ITGAE: variants seen among roughly 807,000 people sequenced by gnomAD.
ITGAE encodes the protein integrin subunit alpha E.
Under a neutral mutation model 136.5 loss-of-function variants are expected in ITGAE, and 99 were observed. That is an observed-to-expected ratio of 0.73 (90% CI 0.62 to 0.86). The LOEUF (loss-of-function observed/expected upper bound fraction) is 0.86. Among genes scored for constraint, ITGAE ranks in the 40% least tolerant of loss-of-function variants. The pLI is 0.00. For missense variants in ITGAE, 1,447 were observed against 1,515.3 expected (o/e 0.95, Z 0.75); for synonymous variants, 613 against 591.8 (o/e 1.04, Z -0.52).
intron 1 of ITGAE, among the ~76,000 whole-genome samples, chr17:3,782,146 G>A (rs2052679392): frequency 6.6e-6 from 1 of 151,338 alleles, no homozygotes; most frequent in Admixed American, 6.6e-5. Flanking sequence ...ATGGTGGCGG[G>A]TGCCTATAAT....
rs1205163060 is a variant in ITGAE at position 3,724,575 on chromosome 17, C to G, written c.3085-831G>C. 2 of 1,614,172 alleles carry G rather than the reference C, an allele frequency of 1.2e-6. No individual in the cohort carries two copies. The highest frequency in any genetic ancestry group is 1.7e-6 in the Non-Finnish European group (2 of 1,180,028). On this transcript the variant is annotated intron_variant, in intron 26 of 30. Transcript: ENST00000263087. ...CCACCTCCCAGAAGTCTCCCTGGAC[C>G]GAGCATCTCTCCCCTGCTCCCAGGA...
intron 1 of ITGAE, among the ~76,000 whole-genome samples, chr17:3,800,036 T>G (rs1044651988): frequency 2.6e-5 from 4 of 152,172 alleles, no homozygotes; most frequent in Non-Finnish European, 4.4e-5. Context: ...GGAGAACTGC[T>G]TGAACCTGGG....
intron 1 of ITGAE, among the ~76,000 whole-genome samples, chr17:3,796,902 T>C (rs921129163): frequency 5.3e-5 from 8 of 152,098 alleles, no homozygotes; most frequent in Non-Finnish European, 8.8e-5. Flanking sequence ...GAAGTGGGGC[T>C]AGATGCAGGG....
At chr17:3,726,283 A>G (rs1333225209) in intron 26 of ITGAE, 2 of 1,614,102 alleles carry the variant, frequency 1.2e-6, no homozygotes, top group Admixed American at 1.7e-5. Flanking sequence ...ACAATGCTGA[A>G]CTTCAGCTCT....
intron 22 of ITGAE, 100 bp downstream of exon 22, chr17:3,732,268 G>A (rs577394777): frequency 1.5e-4 from 140 of 918,938 alleles, no homozygotes; most frequent in Non-Finnish European, 2.4e-4. Flanking sequence ...GCAGTCAAGC[G>A]AAGCGCAAAG....
At chr17:3,723,545 G>C (rs2051104969) in intron 27 of ITGAE, 143 bp downstream of exon 27, 1 of 1,036,234 alleles carries the variant, frequency 9.7e-7, no homozygotes, top group Admixed American at 2.2e-5. Flanking sequence ...GAGCAATTGA[G>C]ACCCAGGGAC....
chr17:3,782,294 A>AC lies in ITGAE; in HGVS notation c.35-4635_35-4634insG, dbSNP rs1278127834. On this transcript the variant is annotated intron_variant, in intron 1 of 30. Coordinates refer to ENST00000263087, the MANE Select transcript of ITGAE (RefSeq NM_002208.5). ...GGCCTCAAAAAAAAAAAAAAAAAAA[A>AC]AAAAAAAGCATGGTCTGACCATGCC... Among the ~76,000 whole-genome samples the AC allele has an allele frequency of 1.5e-3, 221 of 146,894 alleles. 7 individuals are homozygous for AC. The East Asian group carries it at 0.018, about 12-fold the overall frequency.
At chr17:3,727,898 T>C (rs2051251037) in intron 26 of ITGAE, 21 bp downstream of exon 26, 1 of 1,465,516 alleles carries the variant, frequency 6.8e-7, no homozygotes, top group Non-Finnish European at 9.6e-7. Context: ...GTGTGACTGA[T>C]AAAGAACTGC....
At chr17:3,758,109 T>G (rs1189279051) in intron 8 of ITGAE, among the ~76,000 whole-genome samples, 2 of 152,174 alleles carry the variant, frequency 1.3e-5, no homozygotes, top group African/African-American at 4.8e-5. Context: ...ATTCCTCTTG[T>G]GTGCGTACAG....
intron 27 of ITGAE, 48 bp downstream of exon 27, chr17:3,723,640 C>T (rs375470931): frequency 3.3e-6 from 5 of 1,517,944 alleles, no homozygotes; most frequent in African/African-American, 2.8e-5. Flanking sequence ...TCGTTACCCG[C>T]TTCAGGCCCT....
Position 3,761,015 on chromosome 17 carries a change from GCTTCCTCCTCCTCCTCGT to G in ITGAE, c.578_595del (p.Asp193_Glu198del), listed in dbSNP as rs777625440. ...AACCCAGATCTGCCTCTTCTCACCA[GCTTCCTCCTCCTCCTCGT>G]CTTCCTCCTCCTCCTTGTCTTCCTC... On this transcript the variant is annotated inframe_deletion, in exon 6 of 31. Transcript: ENST00000263087. 7.5e-6 allele frequency: 12 copies of G among 1,598,960 alleles called. No individual in the cohort carries two copies. Among genetic ancestry groups the G allele is most frequent in the Non-Finnish European group, 9.3e-6 (11 of 1,178,812 alleles).
At chr17:3,788,383 G>A (rs2052849360) in intron 1 of ITGAE, among the ~76,000 whole-genome samples, 1 of 151,078 alleles carries the variant, frequency 6.6e-6, no homozygotes, top group South Asian at 2.1e-4. Flanking sequence ...TCAACTTCCT[G>A]GGCTCAAGTG....
chr17:3,736,397 T>C (rs1281184490), intron 20 of ITGAE, among the ~76,000 whole-genome samples: 2 of 152,204 alleles, frequency 1.3e-5, no homozygotes, highest in Non-Finnish European at 2.9e-5. Flanking sequence ...CCAAATCCTC[T>C]TTCTACCACC....
At chr17:3,725,466 A>G in intron 26 of ITGAE, 1 of 1,614,234 alleles carries the variant, frequency 6.2e-7, no homozygotes, top group Non-Finnish European at 8.5e-7. Flanking sequence ...CGTAGCCATA[A>G]AAATCATTGC....
At chr17:3,744,262 G>A (rs2051659500) in intron 18 of ITGAE, among the ~76,000 whole-genome samples, 1 of 152,016 alleles carries the variant, frequency 6.6e-6, no homozygotes, top group Non-Finnish European at 1.5e-5. Context: ...TTCCAAATAA[G>A]CCAGGCTGAA....
intron 24 of ITGAE, among the ~76,000 whole-genome samples, chr17:3,728,989 TGG>T (rs2051280109): frequency 6.7e-6 from 1 of 150,250 alleles, no homozygotes; most frequent in Admixed American, 6.7e-5. Flanking sequence ...TGAGCCGAGA[TGG>T]CACCACTGCA....
intron 1 of ITGAE, among the ~76,000 whole-genome samples, chr17:3,787,150 C>T (rs1289824772): frequency 2.7e-5 from 4 of 150,816 alleles, no homozygotes; most frequent in East Asian, 3.9e-4. Context: ...CTCACTCTGT[C>T]GCCCAGGCTG....
chr17:3,716,703 C>A lies in ITGAE; in HGVS notation c.3429G>T (p.Leu1143=). The A allele has an allele frequency of 1.3e-6, 2 of 1,596,612 alleles. No homozygotes were observed. Among genetic ancestry groups the A allele is most frequent in the East Asian group, 2.2e-5 (1 of 44,778 alleles). Residue 1143 remains leucine, a synonymous_variant, in exon 30 of 31, where the codon CTG becomes CTT. Transcript: ENST00000263087. ...VGGLLVLIVI[L]VILFKCGFFK... ...TAGAACTGACCTTGAACAGGATGAC[C>A]AGAATCACGATCAACACCAGAAGTC...
chr17:3,763,814 AT>A, intron 3 of ITGAE, 54 bp downstream of exon 3: 1 of 1,393,760 alleles, frequency 7.2e-7, no homozygotes. Context: ...GATGAGGGGG[AT>A]TTTGCTAGAA....
Sources: gnomAD v4.1 joint callset for allele counts (sites outside exome capture counted in the v4.1 genomes callset) on GRCh38, gnomAD v4.1.1 for gene constraint, MANE v1.5 for transcripts, NCBI Gene and HGNC (gene_info 2026-07-23, HGNC 2026-07-21) for gene names.